DICER1: variants seen among roughly 807,000 people sequenced by gnomAD.
DICER1 encodes dicer 1, ribonuclease III, also known as endoribonuclease Dicer.
A neutral mutation model predicts 194.1 loss-of-function variants in DICER1; 43 were observed. That is an observed-to-expected ratio of 0.22 (90% CI 0.17 to 0.29). The LOEUF is 0.29. Among genes scored for constraint, DICER1 ranks in the 10% least tolerant of loss-of-function variants. DICER1 has a pLI of 1.00. For synonymous variants in DICER1, 832 were observed against 820.5 expected, an observed-to-expected ratio of 1.01 and a Z score of -0.24; for missense variants, 1,608 against 2,317.0, an observed-to-expected ratio of 0.69 and a Z score of 6.28.
chr14:95,104,243 T>C (rs1172596170), intron 20 of DICER1, 117 bp from the exon 21 acceptor site: 3 of 856,494 alleles, frequency 3.5e-6, no homozygotes, highest in Non-Finnish European at 5.4e-6. Flanking sequence ...TCCTAAACTT[T>C]AGAATAGAAG....
At chr14:95,120,130 T>G (rs538072853) in intron 8 of DICER1, among the ~76,000 whole-genome samples, 1 of 152,326 alleles carries the variant, frequency 6.6e-6, no homozygotes, top group Admixed American at 6.5e-5. Flanking sequence ...AAACACATTA[T>G]TTGAAATTCC....
intron 6 of DICER1, 88 bp from the exon 7 acceptor site, chr14:95,126,836 A>AAG: frequency 2.9e-6 from 2 of 679,510 alleles, no homozygotes; most frequent in Non-Finnish European, 4.8e-6. Context: ...AAAAAAAAAA[A>AAG]GGGAATAGAT....
At position 95,137,184 on chromosome 14, in the gene DICER1, AGAAGGAAAAGGGGAAGGG is replaced by A. The variant is rs1246444339; in HGVS notation, c.-45-3699_-45-3682del. 2.1e-5 allele frequency among the ~76,000 whole-genome samples: 3 copies of A among 139,664 alleles called. No individual in the cohort carries two copies. The Admixed American group carries it at 2.2e-4, about 10-fold the overall frequency. The allele number at this position is 139,664 out of a possible 152,430, so 91.6% of individuals were successfully genotyped here. ...AGGAAGGGGAAGGAAAAGGGGAAGG[AGAAGGAAAAGGGGAAGGG>A]GAAAGGAAAAAGGGAAGGGGAAAGG... is the stretch of plus-strand genomic sequence containing the variant. On this transcript the variant is annotated intron_variant, in intron 1 of 26. Transcript: ENST00000343455.
chr14:95,130,082 G>C lies in DICER1; in HGVS notation c.549C>G (p.Asp183Glu), dbSNP rs1060503587. The part of the protein sequence containing the change: ...VFDECHLAIL[D>E]HPYREIMKLC... ...CCTTCATAATTTCTCGATAGGGGTG[G>C]TCTAGGATTGCAAGATGACACTCAT... Residue 183 changes from aspartate (D) to glutamate (E), a missense_variant, in exon 5 of 27, where the codon GAC (aspartate) becomes GAG (glutamate). Asp to Glu is a conservative substitution (Grantham distance 45, BLOSUM62 2). Coordinates refer to ENST00000343455, the MANE Select transcript of DICER1 (RefSeq NM_177438.3). 1.9e-6 allele frequency: 3 copies of C among 1,613,378 alleles called. No individual in the cohort carries two copies. The highest frequency in any genetic ancestry group is 2.5e-6 in the Non-Finnish European group (3 of 1,179,654).
chr14:95,148,119 T>C (rs1024629901), intron 1 of DICER1, among the ~76,000 whole-genome samples: 2 of 152,220 alleles, frequency 1.3e-5, no homozygotes, highest in Non-Finnish European at 2.9e-5. Flanking sequence ...AGAAGGGGTA[T>C]AGAGCTTCCA....
At chr14:95,142,187 G>T (rs769472126) in intron 1 of DICER1, among the ~76,000 whole-genome samples, 5 of 151,658 alleles carry the variant, frequency 3.3e-5, no homozygotes, top group Non-Finnish European at 5.9e-5. Flanking sequence ...CGAACTCCTG[G>T]GCTCAAGTGA....
intron 17 of DICER1, among the ~76,000 whole-genome samples, 172 bp downstream of exon 17, chr14:95,107,436 G>C (rs974272491): frequency 6.6e-6 from 1 of 152,004 alleles, no homozygotes; most frequent in Non-Finnish European, 1.5e-5. Context: ...ATTTTTAGTA[G>C]AGACGAGGTT....
chr14:95,092,374 T>C (rs1183671572), intron 24 of DICER1, among the ~76,000 whole-genome samples: 1 of 152,200 alleles, frequency 6.6e-6, no homozygotes, highest in Non-Finnish European at 1.5e-5. Context: ...TCTTATTTAC[T>C]TGTACTAACT....
intron 7 of DICER1, among the ~76,000 whole-genome samples, chr14:95,126,156 G>T (rs1893442909): frequency 6.6e-6 from 1 of 152,202 alleles, no homozygotes; most frequent in African/African-American, 2.4e-5. Context: ...GCCCACAATG[G>T]AAGGATCACT....
At position 95,157,296 on chromosome 14, in the gene DICER1, C is replaced by A; in HGVS notation, c.-112G>T. 6.5e-6 allele frequency: 1 copy of A among 154,492 alleles called. No individual in the cohort carries two copies. The highest frequency in any genetic ancestry group is 1.9e-4 in the South Asian group (1 of 5,378). 9.6% of individuals were successfully genotyped at this position (154,492 alleles called of 1,614,324 possible). On this transcript the variant is annotated 5_prime_UTR_variant, in exon 1 of 27. Coordinates refer to ENST00000343455, the MANE Select transcript of DICER1 (RefSeq NM_177438.3). ...CCCGCTCCGGCGCGCGCGTCACAGC[C>A]CAGGCCTCCCGGAGCCGCCCGGCGC...
intron 22 of DICER1, among the ~76,000 whole-genome samples, chr14:95,098,745 A>G (rs1045550281): frequency 5.3e-5 from 8 of 152,242 alleles, no homozygotes; most frequent in African/African-American, 1.7e-4. Context: ...TTCTAAATTA[A>G]TAACAAATAA....
chr14:95,127,031 T>G lies in DICER1; in HGVS notation c.735-283A>C, dbSNP rs116870427. On this transcript the variant is annotated intron_variant, in intron 6 of 26. Transcript: ENST00000343455. ...AAGAGGGGAAAGAAAAGAATACAAATGAGCATCCACTGCATCCCCAAGCAT... is the reference window on the plus strand; with the variant it reads ...AAGAGGGGAAAGAAAAGAATACAAAGGAGCATCCACTGCATCCCCAAGCAT... 3.8e-4 allele frequency among the ~76,000 whole-genome samples: 58 copies of G among 152,286 alleles called. No individual in the cohort carries two copies. In the East Asian group the frequency reaches 0.011, roughly 28 times the overall value.
rs1347073178 is a variant in DICER1, at chr14:95,126,733, T to C, written c.750A>G (p.Pro250=). 11 of 1,608,056 alleles carry C rather than the reference T, an allele frequency of 6.8e-6. No individual in the cohort carries two copies. The highest frequency in any genetic ancestry group is 1.3e-5 in the African/African-American group (1 of 74,144). The part of the protein sequence containing the change: ...LVVLDRYTSQ[P]CEIVVDCGPF... ...GTCCACAATCCACCACAATCTCACA[T>C]GGCTGAGAAGTATACCTTTAACATA... The change falls in exon 7 of 27, where the codon CCA becomes CCG. Residue 250 remains proline (P), a synonymous_variant. Transcript: ENST00000343455.
In DICER1 at chr14:95,103,480, C is replaced by T. The variant is rs2139956372; in HGVS notation, c.3916G>A (p.Ala1306Thr). Reference sequence around the variant, plus strand: ...CGCTCCAGGTTAAATCCATCACTAGCGTTTGACAGAGTCAAAGCCTGAAGA... The same window carrying T: ...CGCTCCAGGTTAAATCCATCACTAGTGTTTGACAGAGTCAAAGCCTGAAGA... ...LILQALTLSN[A>T]SDGFNLERLE... The change falls in exon 21 of 27, where the codon GCT (alanine) becomes ACT (threonine). Residue 1306 changes from alanine to threonine, a missense_variant. Ala to Thr is a moderately conservative substitution (Grantham distance 58). Transcript: ENST00000343455. 1.9e-6 allele frequency: 3 copies of T among 1,614,160 alleles called. No individual in the cohort carries two copies. The highest frequency in any genetic ancestry group is 2.5e-6 in the Non-Finnish European group (3 of 1,180,022).
chr14:95,111,279 A>AAATGCT (rs771972158), intron 14 of DICER1, 38 bp downstream of exon 14: 1 of 1,613,584 alleles, frequency 6.2e-7, no homozygotes, highest in Non-Finnish European at 8.5e-7. Context: ...ACAAAGTCAG[A>AAATGCT]AATGCTAGGT....
upstream of DICER1, chr14:95,157,971 G>C (rs1263929963): frequency 6.6e-6 from 1 of 152,176 alleles, no homozygotes; most frequent in African/African-American, 2.4e-5. Context: ...GTGGTGCAGG[G>C]GCCTCCGCAT....
At chr14:95,108,173 G>T in intron 15 of DICER1, 80 bp from the exon 16 acceptor site, 1 of 1,335,984 alleles carries the variant, frequency 7.5e-7, no homozygotes, top group Non-Finnish European at 1.1e-6. Context: ...GAACAGAAAT[G>T]ATGCTTTCTA....
In DICER1 at chr14:95,117,590, T is replaced by C. The variant is rs144973109; in HGVS notation, c.1509+32A>G. ...CTTTGTCTGTATATGTCCCGAAAAC[T>C]GTTATTGTACACTTATTTTGATTTA... is the stretch of plus-strand genomic sequence containing the variant. On this transcript the variant is annotated intron_variant, in intron 9 of 26. Coordinates refer to ENST00000343455, the MANE Select transcript of DICER1 (RefSeq NM_177438.3). 6,144 of 1,613,156 alleles carry C rather than the reference T, an allele frequency of 3.8e-3. 20 individuals carry two copies. The highest frequency in any genetic ancestry group is 4.7e-3 in the Non-Finnish European group (5,540 of 1,179,142).
chr14:95,151,848 C>A (rs926223677), intron 1 of DICER1, among the ~76,000 whole-genome samples: 1 of 152,186 alleles, frequency 6.6e-6, no homozygotes, highest in African/African-American at 2.4e-5. Flanking sequence ...AGACAGAAAT[C>A]CTGCAATCTC....
Sources: allele counts gnomAD v4.1 joint callset (sites outside exome capture counted in the v4.1 genomes callset), GRCh38; gene constraint gnomAD v4.1.1; transcripts MANE v1.5; gene names NCBI Gene and HGNC (gene_info 2026-07-23, HGNC 2026-07-21).